The following MGAM2 variants were observed in gnomAD, a reference collection of about 807,000 sequenced individuals.
MGAM2 encodes maltase-glucoamylase 2 (putative).
Under a neutral mutation model 96.1 loss-of-function variants are expected in MGAM2, and 98 were observed. The ratio of observed to expected loss-of-function variants is 1.02; its 90% confidence interval spans 0.87 to 1.21. The LOEUF is 1.21. Among genes scored for constraint, MGAM2 ranks in the 50% most tolerant of loss-of-function variants. MGAM2 has a pLI of 0.00. For missense variants in MGAM2, 2,055 were observed against 1,182.4 expected (o/e 1.74, Z -10.82); for synonymous variants, 749 against 414.8 (o/e 1.81, Z -9.79).
chr7:142,186,021 C>A lies in MGAM2; in HGVS notation c.4020C>A (p.Phe1340Leu). 2.8e-6 allele frequency: 2 copies of A among 704,010 alleles called. No individual in the cohort carries two copies. Among genetic ancestry groups the A allele is most frequent in the Non-Finnish European group, 5.2e-6 (2 of 385,064 alleles). 43.6% of individuals were successfully genotyped at this position (704,010 alleles called of 1,614,324 possible). Residue 1340 changes from phenylalanine to leucine, a missense_variant, in exon 35 of 48, where the codon TTC becomes TTA. Phe to Leu is a conservative substitution (Grantham distance 22). Transcript: ENST00000477922. ...GGGCCTACGTTGCCTTTCCTGACTT[C>A]TTTCGTAATAGCACAGCTGCGTGGT... ...LYRAYVAFPD[F>L]FRNSTAAWWK...
rs1183512785 is a variant in MGAM2 at position 142,119,091 on chromosome 7, C to A, written c.107-1211C>A. On this transcript the variant is annotated intron_variant, in intron 2 of 47. Coordinates refer to ENST00000477922, the MANE Select transcript of MGAM2 (RefSeq NM_001293626.2). ...TCCACAGATTCAGGGAACATACCTG[C>A]AGATGATGTATCCGATGTTAGGCCC... 6.6e-5 allele frequency among the ~76,000 whole-genome samples: 10 copies of A among 152,266 alleles called. No individual in the cohort carries two copies. The East Asian group carries it at 1.9e-3, about 29-fold the overall frequency.
At position 142,129,215 on chromosome 7, in the gene MGAM2, A is replaced by C. The variant is rs151034818; in HGVS notation, c.187-1733A>C. ...ATTTTGACCAATTTCTCCCATTTGG[A>C]ATGGGTATATTTACCCAATGCCTGT... On this transcript the variant is annotated intron_variant, in intron 3 of 47. Transcript: ENST00000477922. Among the ~76,000 whole-genome samples, 3 of 152,304 alleles carry C rather than the reference A, an allele frequency of 2.0e-5. No individual in the cohort carries two copies. In the East Asian group the frequency reaches 5.8e-4, roughly 29 times the overall value.
At position 142,197,728 on chromosome 7, in the gene MGAM2, T is replaced by C. The variant is rs1797094705; in HGVS notation, c.4866T>C (p.Thr1622=). Residue 1622 remains threonine, a splice_region_variant and synonymous_variant, in exon 42 of 48, where the codon ACT becomes ACC. Coordinates refer to ENST00000477922, the MANE Select transcript of MGAM2 (RefSeq NM_001293626.2). Reference sequence around the variant, plus strand: ...TCTTAATCAGCCCTGTGTTGGAAACTGTGAGTTCTTCATTGTAGGTCAGAA... The same window carrying C: ...TCTTAATCAGCCCTGTGTTGGAAACCGTGAGTTCTTCATTGTAGGTCAGAA... The part of the protein sequence containing the change: ...PAILISPVLE[T]STFEISAYFP... 1.4e-6 allele frequency: 1 copy of C among 702,900 alleles called. No homozygotes were observed. Among genetic ancestry groups the C allele is most frequent in the South Asian group, 1.5e-5 (1 of 67,608 alleles). The allele number at this position is 702,900 out of a possible 1,614,324, so 43.5% of individuals were successfully genotyped here.
At chr7:142,171,816 T>G (rs1796204884) in intron 28 of MGAM2, among the ~76,000 whole-genome samples, 1 of 151,416 alleles carries the variant, frequency 6.6e-6, no homozygotes, top group Non-Finnish European at 1.5e-5. Flanking sequence ...CAGAGACTTA[T>G]AGGCTAGTGA....
At chr7:142,118,736 A>G (rs1374057651) in intron 2 of MGAM2, among the ~76,000 whole-genome samples, 1 of 152,218 alleles carries the variant, frequency 6.6e-6, no homozygotes, top group Non-Finnish European at 1.5e-5. Flanking sequence ...AGACTAAAGA[A>G]AAAACAGTAA....
At chr7:142,195,784 CA>C (rs1797014553) in intron 37 of MGAM2, among the ~76,000 whole-genome samples, 1 of 152,108 alleles carries the variant, frequency 6.6e-6, no homozygotes, top group Non-Finnish European at 1.5e-5. Flanking sequence ...AAAAGGAGTG[CA>C]AGGAAACCTT....
intron 19 of MGAM2, 147 bp from the exon 20 acceptor site, chr7:142,159,140 A>G (rs992303049): frequency 6.8e-6 from 4 of 588,518 alleles, no homozygotes; most frequent in African/African-American, 1.8e-5. Flanking sequence ...CTCAACCTTT[A>G]TGTGTCTGTG....
chr7:142,138,804 A>G, intron 10 of MGAM2, 137 bp downstream of exon 10: 1 of 594,778 alleles, frequency 1.7e-6, no homozygotes, highest in Non-Finnish European at 3.0e-6. Flanking sequence ...AGAAATTTGC[A>G]TGTTAAGTTA....
chr7:142,160,069 C>T (rs1029967750), intron 20 of MGAM2, 65 bp from the exon 21 acceptor site: 6 of 648,052 alleles, frequency 9.3e-6, no homozygotes, highest in Non-Finnish European at 1.7e-5. Flanking sequence ...GAGATGATAC[C>T]TAAGGCCCCT....
At chr7:142,137,696 G>C (rs548105166) in intron 9 of MGAM2, among the ~76,000 whole-genome samples, 151 bp downstream of exon 9, 1 of 152,202 alleles carries the variant, frequency 6.6e-6, no homozygotes, top group Non-Finnish European at 1.5e-5. Flanking sequence ...TATTTATTTT[G>C]ATGACCTTTA....
intron 36 of MGAM2, among the ~76,000 whole-genome samples, chr7:142,188,937 A>G (rs1199647497): frequency 2.0e-5 from 3 of 152,210 alleles, no homozygotes; most frequent in Non-Finnish European, 2.9e-5. Flanking sequence ...ATCACATTGT[A>G]AGTTAAGGAT....
At chr7:142,169,475 G>A (rs1796128315) in intron 26 of MGAM2, among the ~76,000 whole-genome samples, 1 of 151,770 alleles carries the variant, frequency 6.6e-6, no homozygotes. Flanking sequence ...CACAAATTTG[G>A]GACTAATAAT....
In MGAM2 at chr7:142,221,914, C is replaced by T. The variant is rs574316585; in HGVS notation, c.7403C>T (p.Pro2468Leu). Reference sequence around the variant, plus strand: ...ATAAATTCTGTGGCTACTTATTTACCTATTACTGCAACTAGTGCTACCACA... The same window carrying T: ...ATAAATTCTGTGGCTACTTATTTACTTATTACTGCAACTAGTGCTACCACA... ...MVINSVATYL[P>L]ITATSATTDT... Residue 2468 changes from proline to leucine, a missense_variant, in exon 48 of 48, where the codon CCT becomes CTT. Transcript: ENST00000477922. 1 of 399,900 alleles carries T rather than the reference C, an allele frequency of 2.5e-6. No homozygotes were observed. The highest frequency in any genetic ancestry group is 3.6e-5 in the East Asian group (1 of 28,084). The allele number at this position is 399,900 out of a possible 1,614,324, so 24.8% of individuals were successfully genotyped here. A position where few individuals can be genotyped will look rare whatever the true frequency, so the allele number is the denominator to read the frequency against.
In MGAM2 at chr7:142,189,507, T is replaced by C; in HGVS notation, c.4346+2T>C. On this transcript the variant is annotated splice_donor_variant, in intron 37 of 47. Coordinates refer to ENST00000477922, the MANE Select transcript of MGAM2 (RefSeq NM_001293626.2). LOFTEE classifies it high-confidence loss of function. ...GTCCCAGACCAGACCCACATACGAGTGAGTGTCTTTTTGTCACAGCAGCAA... is the reference window on the plus strand; with the variant it reads ...GTCCCAGACCAGACCCACATACGAGCGAGTGTCTTTTTGTCACAGCAGCAA... 1.3e-6 allele frequency: 1 copy of C among 798,092 alleles called. No homozygotes were observed. Among genetic ancestry groups the C allele is most frequent in the Non-Finnish European group, 2.1e-6 (1 of 482,672 alleles). 49.4% of individuals were successfully genotyped at this position (798,092 alleles called of 1,614,324 possible).
intron 3 of MGAM2, among the ~76,000 whole-genome samples, chr7:142,126,285 A>G (rs1794731496): frequency 6.6e-6 from 1 of 151,960 alleles, no homozygotes; most frequent in African/African-American, 2.4e-5. Flanking sequence ...TTTTATTGAT[A>G]TTTCGCACAT....
chr7:142,144,508 A>C (rs536405042), intron 13 of MGAM2, among the ~76,000 whole-genome samples: 9 of 152,364 alleles, frequency 5.9e-5, no homozygotes, highest in African/African-American at 1.9e-4. Flanking sequence ...TAGAAATGTT[A>C]GTTTATCTTA....
intron 6 of MGAM2, among the ~76,000 whole-genome samples, chr7:142,133,522 G>A (rs1163114031): frequency 6.6e-6 from 1 of 151,974 alleles, no homozygotes; most frequent in Non-Finnish European, 1.5e-5. Flanking sequence ...GTAAACAGAA[G>A]TATTAGTGTC....
chr7:142,220,296 A>C lies in MGAM2; in HGVS notation c.5785A>C (p.Ser1929Arg). 1.4e-6 allele frequency: 1 copy of C among 702,768 alleles called. No homozygotes were observed. The allele number at this position is 702,768 out of a possible 1,614,324, so 43.5% of individuals were successfully genotyped here. Reference sequence around the variant, plus strand: ...AACTGCCCCTTTCCCAACAAATGCTAGTACTGCTAGCACTAATGCTACTGT... The same window carrying C: ...AACTGCCCCTTTCCCAACAAATGCTCGTACTGCTAGCACTAATGCTACTGT... ...NTTAPFPTNA[S>R]TASTNATVPI... The change falls in exon 48 of 48, where the codon AGT becomes CGT. Residue 1929 changes from serine (S) to arginine (R), a missense_variant. Physicochemically the swap from Ser to Arg is moderately radical, Grantham distance 110. Transcript: ENST00000477922.
At chr7:142,155,350 A>AT (rs1795705221) in intron 17 of MGAM2, among the ~76,000 whole-genome samples, 1 of 152,204 alleles carries the variant, frequency 6.6e-6, no homozygotes, top group South Asian at 2.1e-4. Context: ...CGTCTACCCA[A>AT]AATAGTATTT....
Sources: allele counts gnomAD v4.1 joint callset (sites outside exome capture counted in the v4.1 genomes callset), GRCh38; gene constraint gnomAD v4.1.1; transcripts MANE v1.5; gene names NCBI Gene and HGNC (gene_info 2026-07-23, HGNC 2026-07-21).